TAGLN2: variants seen among roughly 807,000 people sequenced by gnomAD.
TAGLN2 encodes transgelin-2.
TAGLN2 carries 14 observed loss-of-function variants against 24.9 expected under a neutral mutation model. The ratio of observed to expected loss-of-function variants is 0.56; its 90% confidence interval spans 0.37 to 0.88. The LOEUF is 0.88. Among genes scored for constraint, TAGLN2 ranks in the 40% least tolerant of loss-of-function variants. The pLI is 0.00. For missense variants in TAGLN2, 208 were observed against 258.9 expected, an observed-to-expected ratio of 0.80 and a Z score of 1.35; for synonymous variants, 77 against 98.2, an observed-to-expected ratio of 0.78 and a Z score of 1.28.
chr1:159,919,935 T>A, intron 2 of TAGLN2, 100 bp from the exon 3 acceptor site: 1 of 1,372,920 alleles, frequency 7.3e-7, no homozygotes. Context: ...CCAGAGAGGC[T>A]CCTGTCTTGC....
intron 1 of TAGLN2, chr1:159,923,503 G>T (rs1650602711): frequency 6.5e-7 from 1 of 1,544,144 alleles, no homozygotes; most frequent in Non-Finnish European, 8.7e-7. Flanking sequence ...AGGGTTCTTG[G>T]CTAGGGTGTT....
chr1:159,923,693 A>AATGAT, intron 1 of TAGLN2: 2 of 446,774 alleles, frequency 4.5e-6, no homozygotes, highest in Non-Finnish European at 8.0e-6. Context: ...TAAGGGAACC[A>AATGAT]CCGTAGGGCA....
At chr1:159,921,179 G>C (rs55633025) in intron 1 of TAGLN2, among the ~76,000 whole-genome samples, 137 of 151,784 alleles carry the variant, frequency 9.0e-4, no homozygotes, top group African/African-American at 3.0e-3. Flanking sequence ...TCATGCCCCC[G>C]CAAAAGGTGT....
Position 159,925,480 on chromosome 1 carries a change from A to T in TAGLN2, c.-59T>A, listed in dbSNP as rs1047490863. Reference sequence around the variant, plus strand: ...AAGCGGGCTGGAGAGCGGCGCACTGACTCAAGGCAAGGGCTGCAGCTGCAA... The same window carrying T: ...AAGCGGGCTGGAGAGCGGCGCACTGTCTCAAGGCAAGGGCTGCAGCTGCAA... On this transcript the variant is annotated 5_prime_UTR_variant, in exon 1 of 5. Coordinates refer to ENST00000368097, the MANE Select transcript of TAGLN2 (RefSeq NM_003564.3). 3 of 152,072 alleles carry T rather than the reference A, an allele frequency of 2.0e-5. No homozygotes were observed. The highest frequency in any genetic ancestry group is 1.3e-4 in the Admixed American group (2 of 15,266). 9.4% of individuals were successfully genotyped at this position (152,072 alleles called of 1,614,324 possible).
At chr1:159,925,320 T>C (rs3789039) in intron 1 of TAGLN2, 130 bp downstream of exon 1, 6,783 of 152,184 alleles carry the variant, frequency 0.045, 305 homozygotes, top group East Asian at 0.23. Context: ...CGGGGTAAAG[T>C]AGTCACCGGA....
chr1:159,922,206 G>A (rs914343862), intron 1 of TAGLN2, among the ~76,000 whole-genome samples: 6 of 152,262 alleles, frequency 3.9e-5, no homozygotes, highest in African/African-American at 1.4e-4. Context: ...ACACCTCTCG[G>A]CCGCAGAGGC....
chr1:159,921,290 C>T (rs1650524154), intron 1 of TAGLN2, among the ~76,000 whole-genome samples: 1 of 152,138 alleles, frequency 6.6e-6, no homozygotes, highest in African/African-American at 2.4e-5. Flanking sequence ...GATTATCCTG[C>T]ATCATCTAAA....
chr1:159,922,817 A>G (rs1055207516), intron 1 of TAGLN2, among the ~76,000 whole-genome samples: 2 of 152,188 alleles, frequency 1.3e-5, no homozygotes, highest in African/African-American at 4.8e-5. Flanking sequence ...CAACCCCCCA[A>G]GGCAGGACAA....
intron 1 of TAGLN2, among the ~76,000 whole-genome samples, chr1:159,922,517 A>T (rs971012022): frequency 3.3e-5 from 5 of 151,960 alleles, no homozygotes; most frequent in Non-Finnish European, 5.9e-5. Flanking sequence ...CCCAGAGGCC[A>T]CTCCACCATA....
At chr1:159,921,848 C>A (rs935917195) in intron 1 of TAGLN2, among the ~76,000 whole-genome samples, 9 of 152,222 alleles carry the variant, frequency 5.9e-5, no homozygotes, top group African/African-American at 9.6e-5. Flanking sequence ...GAGCAAGACC[C>A]GGGCATGGTA....
chr1:159,919,938 T>C (rs1650474053), intron 2 of TAGLN2, 103 bp from the exon 3 acceptor site: 3 of 1,337,650 alleles, frequency 2.2e-6, no homozygotes, highest in Non-Finnish European at 3.1e-6. Context: ...GAGAGGCTCC[T>C]GTCTTGCCTG....
chr1:159,918,197 C>G lies in TAGLN2; in HGVS notation c.*603G>C, dbSNP rs1650402623. On this transcript the variant is annotated 3_prime_UTR_variant, in exon 5 of 5. Transcript: ENST00000368097. ...TGGTAGGCAGCCCTCCCTCTCCATC[C>G]CCTCACCCCACCCCTTAGCCACAGT... 1 of 152,338 alleles carries G rather than the reference C, an allele frequency of 6.6e-6. No individual in the cohort carries two copies. The highest frequency in any genetic ancestry group is 2.4e-5 in the African/African-American group (1 of 41,458). The allele number at this position is 152,338 out of a possible 1,614,324, so 9.4% of individuals were successfully genotyped here.
intron 1 of TAGLN2, chr1:159,923,692 CACCG>C: frequency 2.2e-6 from 1 of 463,122 alleles, no homozygotes; most frequent in Non-Finnish European, 3.8e-6. Context: ...TTAAGGGAAC[CACCG>C]TAGGGCAGCC....
intron 2 of TAGLN2, 58 bp from the exon 3 acceptor site, chr1:159,919,893 C>A (rs1192469341): frequency 1.9e-6 from 3 of 1,574,730 alleles, no homozygotes; most frequent in South Asian, 1.1e-5. Flanking sequence ...CGCAGCTCAG[C>A]GTGCACCACC....
intron 1 of TAGLN2, among the ~76,000 whole-genome samples, chr1:159,924,338 G>C (rs986988953): frequency 3.3e-5 from 5 of 152,140 alleles, no homozygotes; most frequent in Non-Finnish European, 5.9e-5. Flanking sequence ...AACTGGGAGG[G>C]GGCTAGAGAT....
At position 159,919,660 on chromosome 1, in the gene TAGLN2, C is replaced by A; in HGVS notation, c.355+1G>T. On this transcript the variant is annotated splice_donor_variant, in intron 3 of 4. Coordinates refer to ENST00000368097, the MANE Select transcript of TAGLN2 (RefSeq NM_003564.3). LOFTEE classifies it high-confidence loss of function. ...GGACCCAGCCCCTCGCCCTGTCCCACCTTCCCAGAGGTCCACAGTTTGGAA... is the reference window on the plus strand; with the variant it reads ...GGACCCAGCCCCTCGCCCTGTCCCAACTTCCCAGAGGTCCACAGTTTGGAA... 6.2e-7 allele frequency: 1 copy of A among 1,611,934 alleles called. No individual in the cohort carries two copies. Among genetic ancestry groups the A allele is most frequent in the Non-Finnish European group, 8.5e-7 (1 of 1,179,292 alleles).
chr1:159,923,369 A>G, intron 1 of TAGLN2: 1 of 1,519,572 alleles, frequency 6.6e-7, no homozygotes, highest in Non-Finnish European at 8.9e-7. Context: ...GAGTTACAAT[A>G]GGCGGGAAAC....
rs1388490094 is a variant in TAGLN2, at chr1:159,923,734, G to A, written c.-29+1716C>T. ...TCACCACCGAGAGTCAGGAGCAGAA[G>A]AGAAAGCTGAGGCTACACAAACAGG... On this transcript the variant is annotated intron_variant, in intron 1 of 4. Coordinates refer to ENST00000368097, the MANE Select transcript of TAGLN2 (RefSeq NM_003564.3). The A allele has an allele frequency of 1.7e-5, 7 of 405,954 alleles. No homozygotes were observed. In the East Asian group the frequency reaches 2.6e-4, roughly 15 times the overall value. The allele number at this position is 405,954 out of a possible 1,614,324, so 25.1% of individuals were successfully genotyped here.
Position 159,920,212 on chromosome 1 carries a change from G to A in TAGLN2, c.180+118C>T, listed in dbSNP as rs769971980. The A allele has an allele frequency of 9.8e-6, 15 of 1,525,530 alleles. No individual in the cohort carries two copies. In the South Asian group the frequency reaches 1.5e-4, roughly 15 times the overall value. The allele number at this position is 1,525,530 out of a possible 1,614,324, so 94.5% of individuals were successfully genotyped here. A position where few individuals can be genotyped will look rare whatever the true frequency, so the allele number is the denominator to read the frequency against. On this transcript the variant is annotated intron_variant, in intron 2 of 4. Coordinates refer to ENST00000368097, the MANE Select transcript of TAGLN2 (RefSeq NM_003564.3). ...CCTTGACAAAGGCCTTCAAGCTGAG[G>A]AAGAGGCTGGGACATGTGTGCCTTC...
Sources: allele counts gnomAD v4.1 joint callset (sites outside exome capture counted in the v4.1 genomes callset), GRCh38; gene constraint gnomAD v4.1.1; transcripts MANE v1.5; gene names NCBI Gene and HGNC (gene_info 2026-07-23, HGNC 2026-07-21).